Variants in NINL observed in about 807,000 individuals in gnomAD.
The protein encoded by NINL is ninein like.
NINL carries 153 observed loss-of-function variants against 160.3 expected under a neutral mutation model. The observed-to-expected ratio is 0.95, with a 90% CI of 0.84 to 1.09. The LOEUF (loss-of-function observed/expected upper bound fraction) is 1.09. Ranked by LOEUF, NINL falls within the 50% of genes least tolerant of loss-of-function variation. NINL has a pLI of 0.00. For missense variants in NINL, 1,829 were observed against 1,764.0 expected (o/e 1.04, Z -0.66); for synonymous variants, 800 against 734.8 (o/e 1.09, Z -1.43).
chr20:25,508,557 C>A (rs2064006131), intron 5 of NINL, among the ~76,000 whole-genome samples: 1 of 152,252 alleles, frequency 6.6e-6, no homozygotes, highest in Admixed American at 6.5e-5. Flanking sequence ...CCTGCCCACA[C>A]CTCACCAGTG....
At chr20:25,551,444 A>T (rs890361596) in intron 1 of NINL, among the ~76,000 whole-genome samples, 1 of 152,234 alleles carries the variant, frequency 6.6e-6, no homozygotes, top group Non-Finnish European at 1.5e-5. Context: ...ACAGATGTAG[A>T]AAAAAGAAGG....
intron 1 of NINL, among the ~76,000 whole-genome samples, chr20:25,560,344 G>C (rs1317498258): frequency 1.3e-5 from 2 of 152,186 alleles, no homozygotes; most frequent in Non-Finnish European, 2.9e-5. Context: ...TAATGAGGGG[G>C]AGTAACTACC....
intron 14 of NINL, 73 bp from the exon 15 acceptor site, chr20:25,480,340 G>A: frequency 8.3e-7 from 1 of 1,198,350 alleles, no homozygotes. Flanking sequence ...CTTCCAATCT[G>A]ATATTTTGGC....
At chr20:25,585,243 C>A (rs1003374138) in intron 1 of NINL, among the ~76,000 whole-genome samples, 6 of 152,188 alleles carry the variant, frequency 3.9e-5, no homozygotes, top group Non-Finnish European at 8.8e-5. Context: ...TATTTTAGGG[C>A]GTGACCCCCG....
intron 13 of NINL, among the ~76,000 whole-genome samples, chr20:25,486,512 G>T (rs1165077056): frequency 6.6e-6 from 1 of 152,222 alleles, no homozygotes; most frequent in Non-Finnish European, 1.5e-5. Flanking sequence ...CAGCCCACAT[G>T]CAGCTGCAGT....
At chr20:25,550,956 G>A (rs2064801207) in intron 1 of NINL, among the ~76,000 whole-genome samples, 1 of 152,150 alleles carries the variant, frequency 6.6e-6, no homozygotes, top group Non-Finnish European at 1.5e-5. Flanking sequence ...TTTCCCACGA[G>A]GCCATATCTC....
At chr20:25,485,676 G>T (rs936462527) in intron 13 of NINL, among the ~76,000 whole-genome samples, 1 of 152,142 alleles carries the variant, frequency 6.6e-6, no homozygotes, top group Non-Finnish European at 1.5e-5. Context: ...ACTCCCATTT[G>T]TGTCTTTTGA....
At position 25,453,424 on chromosome 20, in the gene NINL, G is replaced by C. The variant is rs371309830; in HGVS notation, c.*27C>G. 3.2e-6 allele frequency: 5 copies of C among 1,562,870 alleles called. No homozygotes were observed. In the East Asian group the frequency reaches 6.8e-5, roughly 21 times the overall value. ...GGCTTAATTTAAAAGATGTGCTTTCGAATGAATCCTAGAAAATAATCTGTC... is the reference window on the plus strand; with the variant it reads ...GGCTTAATTTAAAAGATGTGCTTTCCAATGAATCCTAGAAAATAATCTGTC... On this transcript the variant is annotated 3_prime_UTR_variant, in exon 24 of 24. Coordinates refer to ENST00000278886, the MANE Select transcript of NINL (RefSeq NM_025176.6).
intron 8 of NINL, among the ~76,000 whole-genome samples, chr20:25,500,352 C>T (rs1174594613): frequency 6.6e-6 from 1 of 152,222 alleles, no homozygotes; most frequent in Admixed American, 6.5e-5. Flanking sequence ...AAGGGTGCAC[C>T]TCCTGACACC....
rs542809769 is a variant in NINL, at chr20:25,461,198, C to A, written c.3696+324G>T. On this transcript the variant is annotated intron_variant, in intron 21 of 23. Transcript: ENST00000278886. ...TGTCACCCCACTCCCAGGGCTGGAG[C>A]CTGCTGCCTTGGTTCTGACGACACA... is the stretch of plus-strand genomic sequence containing the variant. Among the ~76,000 whole-genome samples the A allele has an allele frequency of 2.0e-5, 3 of 152,348 alleles. No individual in the cohort carries two copies. The East Asian group carries it at 5.8e-4, about 29-fold the overall frequency.
chr20:25,501,224 T>C (rs1032881137), intron 7 of NINL, among the ~76,000 whole-genome samples: 14 of 152,234 alleles, frequency 9.2e-5, no homozygotes, highest in African/African-American at 3.4e-4. Flanking sequence ...AGTCGGGACA[T>C]GCAACCAAGG....
At chr20:25,478,797 C>A in intron 16 of NINL, 126 bp downstream of exon 16, 1 of 1,092,050 alleles carries the variant, frequency 9.2e-7, no homozygotes, top group Non-Finnish European at 1.3e-6. Flanking sequence ...ACTCACCCAT[C>A]TGCCCAGAGG....
At chr20:25,539,963 C>G (rs1021015125) in intron 1 of NINL, 2 of 1,183,182 alleles carry the variant, frequency 1.7e-6, no homozygotes, top group East Asian at 1.2e-4. Context: ...CAGGCCTGCG[C>G]AGGCGCCTCA....
chr20:25,532,706 A>G (rs2064487285), intron 1 of NINL, among the ~76,000 whole-genome samples: 2 of 152,236 alleles, frequency 1.3e-5, no homozygotes, highest in Admixed American at 1.3e-4. Context: ...GGTGAGTCAG[A>G]CACAGCAGGT....
At position 25,462,844 on chromosome 20, in the gene NINL, G is replaced by C. The variant is rs118082739; in HGVS notation, c.3424-303C>G. ...TAGTTTTGTTTTTTGGTCGAGACAGGGTCTCTAGCTGTGTTGCCAAAGCTG... is the reference window on the plus strand; with the variant it reads ...TAGTTTTGTTTTTTGGTCGAGACAGCGTCTCTAGCTGTGTTGCCAAAGCTG... On this transcript the variant is annotated intron_variant, in intron 19 of 23. Coordinates refer to ENST00000278886, the MANE Select transcript of NINL (RefSeq NM_025176.6). 1.3e-3 allele frequency: 342 copies of C among 266,978 alleles called. 1 individual carries two copies. Among genetic ancestry groups the C allele is most frequent in the Non-Finnish European group, 2.1e-3 (289 of 139,452 alleles). 16.5% of individuals were successfully genotyped at this position (266,978 alleles called of 1,614,324 possible). A position where few individuals can be genotyped will look rare whatever the true frequency, so the allele number is the denominator to read the frequency against.
At chr20:25,556,156 C>T (rs527625360) in intron 1 of NINL, among the ~76,000 whole-genome samples, 1 of 152,260 alleles carries the variant, frequency 6.6e-6, no homozygotes, top group East Asian at 1.9e-4. Context: ...GTGGCAGATG[C>T]TTGTAGTTCC....
At position 25,526,561 on chromosome 20, in the gene NINL, G is replaced by C. The variant is rs752409332; in HGVS notation, c.27C>G (p.Val9=). 5.0e-6 allele frequency: 8 copies of C among 1,614,194 alleles called. No individual in the cohort carries two copies. The South Asian group carries it at 8.8e-5, about 18-fold the overall frequency. MDEEENHY[V]SQLREVYSSC... ...TGCTGTAGACTTCCCTGAGCTGCGA[G>C]ACATAGTGGTTCTCTTCTTCATCCA... The change falls in exon 2 of 24, where the codon GTC becomes GTG. Residue 9 remains valine, a synonymous_variant. Transcript: ENST00000278886.
chr20:25,557,568 A>G (rs1415704322), intron 1 of NINL, among the ~76,000 whole-genome samples: 2 of 152,192 alleles, frequency 1.3e-5, no homozygotes, highest in East Asian at 3.9e-4. Flanking sequence ...GTACAGTATT[A>G]ATTACCAAAG....
chr20:25,478,634 G>A (rs2063319071), intron 16 of NINL, among the ~76,000 whole-genome samples: 1 of 152,206 alleles, frequency 6.6e-6, no homozygotes, highest in African/African-American at 2.4e-5. Flanking sequence ...GTGTCTCTGA[G>A]CGATGGAGGC....
Sources: allele counts gnomAD v4.1 joint callset (sites outside exome capture counted in the v4.1 genomes callset), GRCh38; gene constraint gnomAD v4.1.1; transcripts MANE v1.5; gene names NCBI Gene and HGNC (gene_info 2026-07-23, HGNC 2026-07-21).